The following IFT80 variants were observed in gnomAD, a reference collection of about 807,000 sequenced individuals.
IFT80 encodes the protein intraflagellar transport protein 80 homolog.
A neutral mutation model predicts 107.9 loss-of-function variants in IFT80; 79 were observed. That is an observed-to-expected ratio of 0.73 (90% CI 0.61 to 0.88). IFT80 has a LOEUF of 0.88. Among genes scored for constraint, IFT80 ranks in the 40% least tolerant of loss-of-function variants. The pLI, the probability that IFT80 is intolerant of heterozygous loss-of-function variation, is 0.00. For missense variants in IFT80, 797 were observed against 914.2 expected, an observed-to-expected ratio of 0.87 and a Z score of 1.65; for synonymous variants, 299 against 300.9, an observed-to-expected ratio of 0.99 and a Z score of 0.07.
intron 12 of IFT80, among the ~76,000 whole-genome samples, chr3:160,296,595 C>T (rs1344925874): frequency 6.6e-6 from 1 of 151,292 alleles, no homozygotes; most frequent in Admixed American, 6.6e-5. Context: ...ATCACTATTA[C>T]AATTCTTTGC....
chr3:160,358,808 T>G (rs1721288333), intron 6 of IFT80, among the ~76,000 whole-genome samples: 1 of 152,230 alleles, frequency 6.6e-6, no homozygotes, highest in Non-Finnish European at 1.5e-5. Context: ...ATAATAATTT[T>G]TATTTATTTA....
rs1343148607 is a variant in IFT80 at position 160,384,628 on chromosome 3, T to A, written c.-28A>T. ...CTCCACTTCCAGCAAAAATTTAAGA[T>A]GCCACTTGATTGTATTTACTGTAAA... On this transcript the variant is annotated 5_prime_UTR_variant, in exon 2 of 20. Coordinates refer to ENST00000326448, the MANE Select transcript of IFT80 (RefSeq NM_020800.3). 5 of 1,588,154 alleles carry A rather than the reference T, an allele frequency of 3.1e-6. No homozygotes were observed. In the East Asian group the frequency reaches 9.0e-5, roughly 28 times the overall value.
At chr3:160,395,153 T>C (rs1354180125) in intron 1 of IFT80, among the ~76,000 whole-genome samples, 3 of 152,228 alleles carry the variant, frequency 2.0e-5, no homozygotes, top group African/African-American at 7.2e-5. Context: ...TATAAAACCC[T>C]AATAAATAAT....
intron 7 of IFT80, among the ~76,000 whole-genome samples, chr3:160,357,143 A>G (rs1466056036): frequency 6.6e-6 from 1 of 152,188 alleles, no homozygotes; most frequent in Admixed American, 6.5e-5. Context: ...TTTGTTGCTC[A>G]GGCTGGAATG....
At chr3:160,383,483 T>C in intron 2 of IFT80, 2 of 946,882 alleles carry the variant, frequency 2.1e-6, no homozygotes, top group African/African-American at 1.8e-5. Context: ...CTTTCCTAGT[T>C]CTGATGAAGG....
In IFT80 at chr3:160,366,893, C is replaced by T. The variant is rs554572046; in HGVS notation, c.440-741G>A. On this transcript the variant is annotated intron_variant, in intron 5 of 19. Coordinates refer to ENST00000326448, the MANE Select transcript of IFT80 (RefSeq NM_020800.3). Reference sequence around the variant, plus strand: ...TCATTCATTCATTCTATTTTTGGTACCCATTAACCACCCCACCTCCCTCAC... The same window carrying T: ...TCATTCATTCATTCTATTTTTGGTATCCATTAACCACCCCACCTCCCTCAC... Among the ~76,000 whole-genome samples the T allele has an allele frequency of 1.2e-4, 18 of 152,010 alleles. No individual in the cohort carries two copies. The South Asian group carries it at 3.5e-3, about 30-fold the overall frequency.
chr3:160,277,487 G>T lies in IFT80; in HGVS notation c.1927-9C>A. 1 of 1,597,368 alleles carries T rather than the reference G, an allele frequency of 6.3e-7. No individual in the cohort carries two copies. Among genetic ancestry groups the T allele is most frequent in the South Asian group, 1.1e-5 (1 of 90,384 alleles). On this transcript the variant is annotated splice_polypyrimidine_tract_variant and intron_variant, in intron 17 of 19. Transcript: ENST00000326448. ...TACTGAACCTTATCAATCTAAAAAA[G>T]AAAAGAAAAATATTGAAGTAGATAG... is the stretch of plus-strand genomic sequence containing the variant.
At chr3:160,312,508 T>C (rs1717351322) in intron 9 of IFT80, among the ~76,000 whole-genome samples, 1 of 137,314 alleles carries the variant, frequency 7.3e-6, no homozygotes, top group Admixed American at 8.7e-5. Context: ...GACTCCACGC[T>C]GTATTTTTGT....
chr3:160,350,824 AC>A (rs951237172), intron 8 of IFT80, among the ~76,000 whole-genome samples: 30 of 152,172 alleles, frequency 2.0e-4, no homozygotes, highest in Non-Finnish European at 3.2e-4. Context: ...AAAAAAAAAA[AC>A]GTATGTTACC....
At chr3:160,281,403 G>A (rs1714681487) in intron 14 of IFT80, among the ~76,000 whole-genome samples, 1 of 152,162 alleles carries the variant, frequency 6.6e-6, no homozygotes, top group Admixed American at 6.5e-5. Context: ...TGGGGTCTTG[G>A]ACTCTTGAGG....
intron 18 of IFT80, among the ~76,000 whole-genome samples, chr3:160,269,264 T>G (rs905980711): frequency 6.6e-6 from 1 of 151,760 alleles, no homozygotes; most frequent in Non-Finnish European, 1.5e-5. Flanking sequence ...AATCATCCTG[T>G]AATTCAAGTG....
intron 8 of IFT80, among the ~76,000 whole-genome samples, chr3:160,350,808 C>T (rs1387142496): frequency 2.0e-5 from 3 of 150,300 alleles, no homozygotes; most frequent in East Asian, 1.9e-4. Flanking sequence ...AGCGAGGCTC[C>T]GTTTCAAAAA....
chr3:160,260,392 A>C (rs1485301038), intron 19 of IFT80, among the ~76,000 whole-genome samples: 1 of 152,222 alleles, frequency 6.6e-6, no homozygotes, highest in Non-Finnish European at 1.5e-5. Context: ...AACTTGATGG[A>C]TGCTTTGGGT....
chr3:160,270,310 T>C (rs1559911338), intron 18 of IFT80, among the ~76,000 whole-genome samples: 1 of 152,238 alleles, frequency 6.6e-6, no homozygotes, highest in Non-Finnish European at 1.5e-5. Flanking sequence ...TTGGTTTGCC[T>C]TACTATTGAT....
Position 160,375,895 on chromosome 3 carries a change from A to C in IFT80, c.371-15T>G. 1 of 1,551,840 alleles carries C rather than the reference A, an allele frequency of 6.4e-7. No homozygotes were observed. Among genetic ancestry groups the C allele is most frequent in the South Asian group, 1.1e-5 (1 of 89,244 alleles). On this transcript the variant is annotated splice_polypyrimidine_tract_variant and intron_variant, in intron 4 of 19. Coordinates refer to ENST00000326448, the MANE Select transcript of IFT80 (RefSeq NM_020800.3). The stretch of plus-strand genomic sequence containing the variant: ...ATCTTCTCCAACTATACAGGGAAAA[A>C]AAAATTAATCAGTATTTTTACCTAT...
chr3:160,271,704 C>T (rs996848703), intron 18 of IFT80, among the ~76,000 whole-genome samples: 4 of 151,944 alleles, frequency 2.6e-5, no homozygotes, highest in African/African-American at 9.7e-5. Context: ...AAATCTGTTC[C>T]CTTCTAGAGG....
intron 1 of IFT80, among the ~76,000 whole-genome samples, chr3:160,392,219 T>C (rs1015067868): frequency 6.6e-6 from 1 of 152,238 alleles, no homozygotes; most frequent in African/African-American, 2.4e-5. Flanking sequence ...TTTCTCCTAA[T>C]ATCCCCAGCC....
At chr3:160,314,960 G>A (rs1717684701) in intron 9 of IFT80, among the ~76,000 whole-genome samples, 2 of 150,988 alleles carry the variant, frequency 1.3e-5, no homozygotes, top group Admixed American at 1.3e-4. Flanking sequence ...CAAAATCACA[G>A]GAACATCTGT....
chr3:160,384,711 CA>C, intron 1 of IFT80, 65 bp from the exon 2 acceptor site: 1 of 1,257,708 alleles, frequency 8.0e-7, no homozygotes, highest in Non-Finnish European at 1.1e-6. Context: ...TATACAAACA[CA>C]AAAGGCAAAC....
Sources: gnomAD v4.1 joint callset for allele counts (sites outside exome capture counted in the v4.1 genomes callset) on GRCh38, gnomAD v4.1.1 for gene constraint, MANE v1.5 for transcripts, NCBI Gene and HGNC (gene_info 2026-07-23, HGNC 2026-07-21) for gene names.